Variants in CLASP1 observed in about 807,000 individuals in gnomAD.
The protein encoded by CLASP1 is cytoplasmic linker associated protein 1.
In CLASP1, 38 loss-of-function variants were observed where a neutral mutation model predicts 192.3. That is an observed-to-expected ratio of 0.20 (90% CI 0.15 to 0.26). The LOEUF is 0.26. Among genes scored for constraint, CLASP1 ranks in the 10% least tolerant of loss-of-function variants. The pLI, the probability that CLASP1 is intolerant of heterozygous loss-of-function variation, is 1.00. For synonymous variants in CLASP1, 691 were observed against 712.8 expected (o/e 0.97, Z 0.49); for missense variants, 1,433 against 1,932.5 (o/e 0.74, Z 4.85).
chr2:121,376,526 T>TGGGGGGGGGGGGGGGAGGGG (rs61313144), intron 34 of CLASP1, among the ~76,000 whole-genome samples: 1 of 105,134 alleles, frequency 9.5e-6, no homozygotes, highest in Admixed American at 1.0e-4. Context: ...TGGGAAGGGG[T>TGGGGGGGGGGGGGGGAGGGG]GGGGGGGGGG....
At chr2:121,530,296 G>A in exon 3 of CLASP1, 1 of 1,552,188 alleles carries the variant, frequency 6.4e-7, no homozygotes. Flanking sequence ...TCACCAGGGC[G>A]GACAGGATGT....
chr2:121,583,436 G>A (rs1474546546), intron 2 of CLASP1, among the ~76,000 whole-genome samples: 3 of 152,146 alleles, frequency 2.0e-5, no homozygotes, highest in Non-Finnish European at 4.4e-5. Context: ...TAAAATTGAA[G>A]AATAATGCAT....
At chr2:121,412,834 C>T (rs917375462) in intron 23 of CLASP1, among the ~76,000 whole-genome samples, 8 of 152,112 alleles carry the variant, frequency 5.3e-5, no homozygotes, top group African/African-American at 1.4e-4. Flanking sequence ...TTTATGTTTT[C>T]GCCAGAGCAA....
chr2:121,471,109 C>A (rs958322217), intron 8 of CLASP1, among the ~76,000 whole-genome samples: 1 of 152,072 alleles, frequency 6.6e-6, no homozygotes, highest in Non-Finnish European at 1.5e-5. Flanking sequence ...ATAGCAAGAT[C>A]CTGTCTCTTA....
rs201390122 is a variant in CLASP1, at chr2:121,412,244, G to A, written c.2321-1275C>T. On this transcript the variant is annotated intron_variant, in intron 23 of 39. Transcript: ENST00000263710. ...TGCTAATCAATAGTTATACAGTCAT[G>A]AATTTTTTAAAAAGAAACAAAAACT... 2.7e-4 allele frequency among the ~76,000 whole-genome samples: 41 copies of A among 152,252 alleles called. No homozygotes were observed. In the East Asian group the frequency reaches 6.9e-3, roughly 26 times the overall value.
chr2:121,468,396 C>T (rs1189605480), intron 9 of CLASP1, among the ~76,000 whole-genome samples: 2 of 152,286 alleles, frequency 1.3e-5, no homozygotes, highest in African/African-American at 4.8e-5. Context: ...ATTAATTCTT[C>T]CTATCCATGA....
intron 1 of CLASP1, among the ~76,000 whole-genome samples, chr2:121,607,831 T>TC (rs1391528468): frequency 6.6e-6 from 1 of 152,092 alleles, no homozygotes; most frequent in African/African-American, 2.4e-5. Flanking sequence ...TACCACCCCA[T>TC]CCCCACCCCT....
At chr2:121,338,061 G>C (rs1475855067) in exon 40 of CLASP1, 1 of 152,498 alleles carries the variant, frequency 6.6e-6, no homozygotes, top group East Asian at 1.9e-4. Flanking sequence ...TTTTTTCAGA[G>C]CACTTCTTTA....
At chr2:121,353,725 T>G (rs1441606611) in intron 37 of CLASP1, among the ~76,000 whole-genome samples, 1 of 152,240 alleles carries the variant, frequency 6.6e-6, no homozygotes, top group Non-Finnish European at 1.5e-5. Context: ...CAATGTCCAG[T>G]ATACGCCAGG....
chr2:121,459,395 T>C (rs1308932834), intron 12 of CLASP1, among the ~76,000 whole-genome samples: 1 of 152,196 alleles, frequency 6.6e-6, no homozygotes, highest in Non-Finnish European at 1.5e-5. Context: ...AAAAGCACCC[T>C]TGGCTCCTTT....
intron 37 of CLASP1, among the ~76,000 whole-genome samples, chr2:121,356,994 T>A (rs1192533500): frequency 2.0e-5 from 3 of 152,154 alleles, no homozygotes; most frequent in Non-Finnish European, 4.4e-5. Flanking sequence ...GTGCTCAGCA[T>A]CAGATGGGAA....
At chr2:121,423,000 A>G (rs2079768140) in intron 22 of CLASP1, among the ~76,000 whole-genome samples, 2 of 152,160 alleles carry the variant, frequency 1.3e-5, no homozygotes, top group African/African-American at 4.8e-5. Context: ...GCATATATCC[A>G]GTATATACTA....
At chr2:121,521,967 A>G (rs1428136585) in intron 6 of CLASP1, among the ~76,000 whole-genome samples, 4 of 152,244 alleles carry the variant, frequency 2.6e-5, no homozygotes, top group African/African-American at 9.6e-5. Context: ...CTAGTAGGAA[A>G]GATTAATGAA....
chr2:121,495,440 T>G (rs2093490195), intron 8 of CLASP1, among the ~76,000 whole-genome samples: 1 of 151,938 alleles, frequency 6.6e-6, no homozygotes, highest in East Asian at 1.9e-4. Flanking sequence ...GCGGGCAGAT[T>G]GCCTGAAGTC....
At chr2:121,483,093 C>T (rs2092713337) in intron 8 of CLASP1, among the ~76,000 whole-genome samples, 1 of 152,142 alleles carries the variant, frequency 6.6e-6, no homozygotes, top group African/African-American at 2.4e-5. Context: ...TAGGAATCTT[C>T]CTCTTCTAGA....
At chr2:121,479,028 A>C (rs1575290560) in intron 8 of CLASP1, among the ~76,000 whole-genome samples, 19 of 44,380 alleles carry the variant, frequency 4.3e-4, no homozygotes, top group African/African-American at 1.7e-3. Flanking sequence ...ACACACACAC[A>C]CACCCCACAC....
chr2:121,381,247 A>T (rs1230980298), intron 33 of CLASP1, among the ~76,000 whole-genome samples: 1 of 152,182 alleles, frequency 6.6e-6, no homozygotes, highest in East Asian at 1.9e-4. Context: ...ATTCCACAAA[A>T]GTCAGAATGC....
exon 2 of CLASP1, chr2:121,605,895 T>C (rs550251999): frequency 1.4e-5 from 23 of 1,613,400 alleles, no homozygotes; most frequent in Admixed American, 3.3e-5. Context: ...CGAGGCTCCA[T>C]AGTGGAATTC....
intron 7 of CLASP1, among the ~76,000 whole-genome samples, chr2:121,513,994 T>C (rs1470315697): frequency 6.6e-6 from 1 of 152,230 alleles, no homozygotes; most frequent in African/African-American, 2.4e-5. Context: ...TTGTTGGGAA[T>C]GGTGGGGGCC....
Sources: allele counts gnomAD v4.1 joint callset (sites outside exome capture counted in the v4.1 genomes callset), GRCh38; gene constraint gnomAD v4.1.1; transcripts MANE v1.5; gene names NCBI Gene and HGNC (gene_info 2026-07-23, HGNC 2026-07-21).